Variants in AIF1L observed in about 807,000 individuals in gnomAD.
AIF1L encodes the protein allograft inflammatory factor 1 like.
Under a neutral mutation model 20.7 loss-of-function variants are expected in AIF1L, and 12 were observed. That is an observed-to-expected ratio of 0.58 (90% CI 0.37 to 0.94). AIF1L has a LOEUF of 0.94. Among genes scored for constraint, AIF1L ranks in the 40% least tolerant of loss-of-function variants. AIF1L has a pLI of 0.01. For missense variants in AIF1L, 173 were observed against 185.3 expected (o/e 0.93, Z 0.39); for synonymous variants, 76 against 65.1 (o/e 1.17, Z -0.81).
intron 2 of AIF1L, among the ~76,000 whole-genome samples, chr9:131,101,482 G>A (rs1250997735): frequency 6.6e-6 from 1 of 150,962 alleles, no homozygotes; most frequent in Non-Finnish European, 1.5e-5. Context: ...GAGTAGCTGG[G>A]ACTATAGGCG....
intron 2 of AIF1L, among the ~76,000 whole-genome samples, chr9:131,109,744 C>T (rs1249557374): frequency 6.6e-6 from 1 of 152,144 alleles, no homozygotes; most frequent in Non-Finnish European, 1.5e-5. Context: ...CAGGTGTTCC[C>T]TCATTGGTCG....
chr9:131,106,192 G>A lies in AIF1L; in HGVS notation c.94-5405G>A, dbSNP rs1830742766. 1 of 1,535,448 alleles carries A rather than the reference G, an allele frequency of 6.5e-7. No individual in the cohort carries two copies. Among genetic ancestry groups the A allele is most frequent in the Non-Finnish European group, 8.7e-7 (1 of 1,146,892 alleles). ...TGATACCCACTTCCTCCTCAGTACT[G>A]TGCAGGGAGGGAGCCGCAGCTACAG... is the stretch of plus-strand genomic sequence containing the variant. On this transcript the variant is annotated intron_variant, in intron 2 of 5. Transcript: ENST00000247291.
intron 2 of AIF1L, among the ~76,000 whole-genome samples, chr9:131,101,396 A>AAGTGC (rs1830637754): frequency 6.7e-6 from 1 of 149,336 alleles, no homozygotes; most frequent in African/African-American, 2.5e-5. Flanking sequence ...GCCCAGGCTG[A>AAGTGC]AGTGCAGTGG....
rs1216057136 is a variant in AIF1L at position 131,120,230 on chromosome 9, A to T, written c.366-5A>T. On this transcript the variant is annotated splice_polypyrimidine_tract_variant and splice_region_variant and intron_variant, in intron 5 of 5. Coordinates refer to ENST00000247291, the MANE Select transcript of AIF1L (RefSeq NM_031426.4). ...CTTTTTTTCTTTTCTCCATCTCCAA[A>T]CCAGAGTCATGATGTTTGAAGGAAA... 1 of 1,612,044 alleles carries T rather than the reference A, an allele frequency of 6.2e-7. No homozygotes were observed. Among genetic ancestry groups the T allele is most frequent in the Non-Finnish European group, 8.5e-7 (1 of 1,179,408 alleles).
intron 2 of AIF1L, among the ~76,000 whole-genome samples, chr9:131,100,239 A>T (rs1830607902): frequency 6.6e-6 from 1 of 152,302 alleles, no homozygotes; most frequent in East Asian, 1.9e-4. Flanking sequence ...ATTCAAGAGT[A>T]AAAATAGGAG....
chr9:131,106,808 C>T (rs1830761198), intron 2 of AIF1L, among the ~76,000 whole-genome samples: 1 of 142,132 alleles, frequency 7.0e-6, no homozygotes, highest in Non-Finnish European at 1.5e-5. Flanking sequence ...GAGAAGGTGA[C>T]ATTGAGGCTG....
chr9:131,101,301 G>A (rs1010293608), intron 2 of AIF1L, among the ~76,000 whole-genome samples: 2 of 152,148 alleles, frequency 1.3e-5, no homozygotes, highest in African/African-American at 4.8e-5. Flanking sequence ...CCAGCAGACA[G>A]ATGCACAGTG....
chr9:131,097,812 C>G (rs1830559129), intron 2 of AIF1L, among the ~76,000 whole-genome samples: 1 of 152,246 alleles, frequency 6.6e-6, no homozygotes, highest in Non-Finnish European at 1.5e-5. Context: ...ATTGTGCAGG[C>G]TCAGAGAGGG....
chr9:131,115,847 G>A (rs555040997), intron 4 of AIF1L, among the ~76,000 whole-genome samples: 2 of 151,948 alleles, frequency 1.3e-5, no homozygotes, highest in Admixed American at 1.3e-4. Flanking sequence ...GGTGGCAGAT[G>A]CCTGTAATCC....
At chr9:131,105,413 G>A (rs1051979770) in intron 2 of AIF1L, among the ~76,000 whole-genome samples, 13 of 152,224 alleles carry the variant, frequency 8.5e-5, no homozygotes, top group East Asian at 3.8e-4. Context: ...GGCCCAGGCT[G>A]GAGTGCAGTG....
intron 5 of AIF1L, among the ~76,000 whole-genome samples, 172 bp from the exon 6 acceptor site, chr9:131,120,063 C>T (rs1241503278): frequency 6.6e-6 from 1 of 152,200 alleles, no homozygotes; most frequent in Non-Finnish European, 1.5e-5. Context: ...GGACTAGCAG[C>T]CCCTTCCTTG....
At chr9:131,113,552 C>G (rs1830943250) in intron 3 of AIF1L, among the ~76,000 whole-genome samples, 1 of 149,878 alleles carries the variant, frequency 6.7e-6, no homozygotes, top group African/African-American at 2.5e-5. Context: ...GCTTTGGAGC[C>G]AGACTAACAT....
rs371269177 is a variant in AIF1L, at chr9:131,104,792, G to T, written c.94-6805G>T. Among the ~76,000 whole-genome samples the T allele has an allele frequency of 3.2e-4, 49 of 152,126 alleles. 1 individual carries two copies. The highest frequency in any genetic ancestry group is 7.4e-5 in the Non-Finnish European group (5 of 67,998). On this transcript the variant is annotated intron_variant, in intron 2 of 5. Transcript: ENST00000247291. ...TCATACTTGTAATCCCAGCACTTTG[G>T]GATGCTGAGATGGGCGGACTGCTTG...
intron 1 of AIF1L, 34 bp from the exon 2 acceptor site, chr9:131,096,768 C>T (rs531166295): frequency 7.2e-5 from 109 of 1,514,128 alleles, no homozygotes; most frequent in Non-Finnish European, 6.9e-5. Context: ...CGAAGAGGAC[C>T]CCGCTTCCCA....
chr9:131,096,844 G>C lies in AIF1L; in HGVS notation c.74G>C (p.Arg25Thr), dbSNP rs769150177. The C allele has an allele frequency of 6.5e-7, 1 of 1,538,116 alleles. No individual in the cohort carries two copies. Among genetic ancestry groups the C allele is most frequent in the South Asian group, 1.2e-5 (1 of 82,774 alleles). Residue 25 changes from arginine (R) to threonine (T), a missense_variant, in exon 2 of 6, where the codon AGG becomes ACG. Physicochemically the swap from Arg to Thr is moderately conservative, Grantham distance 71. Transcript: ENST00000247291. Reference sequence around the variant, plus strand: ...TTGCTCAAAGCCCGGCAGGAGAGGAGGCTGGCCGAGATCAACCGGGTAAGC... The same window carrying C: ...TTGCTCAAAGCCCGGCAGGAGAGGACGCTGGCCGAGATCAACCGGGTAAGC... ...FGLLKARQER[R>T]LAEINREFLC...
At chr9:131,114,755 C>T in intron 4 of AIF1L, 137 bp downstream of exon 4, 1 of 1,127,156 alleles carries the variant, frequency 8.9e-7, no homozygotes, top group Non-Finnish European at 1.3e-6. Context: ...GCCCCAGCCC[C>T]TTGCCTTCTG....
At chr9:131,103,535 G>A (rs1390246511) in intron 2 of AIF1L, among the ~76,000 whole-genome samples, 1 of 152,198 alleles carries the variant, frequency 6.6e-6, no homozygotes, top group African/African-American at 2.4e-5. Context: ...CTTACCGCAG[G>A]CCAGGCACTA....
intron 2 of AIF1L, among the ~76,000 whole-genome samples, chr9:131,105,902 T>G (rs1390018799): frequency 6.6e-6 from 1 of 151,484 alleles, no homozygotes; most frequent in Non-Finnish European, 1.5e-5. Context: ...CATTGCAGCC[T>G]TCACCTCCTG....
chr9:131,117,502 C>A (rs960606379), intron 4 of AIF1L, among the ~76,000 whole-genome samples: 21 of 152,192 alleles, frequency 1.4e-4, no homozygotes, highest in African/African-American at 5.1e-4. Flanking sequence ...TAGTGTGCCC[C>A]AGATCCCAGA....
Sources: allele counts gnomAD v4.1 joint callset (sites outside exome capture counted in the v4.1 genomes callset), GRCh38; gene constraint gnomAD v4.1.1; transcripts MANE v1.5; gene names NCBI Gene and HGNC (gene_info 2026-07-23, HGNC 2026-07-21).